SND1: variants seen among roughly 807,000 people sequenced by gnomAD.
SND1 encodes staphylococcal nuclease domain-containing protein 1.
Under a neutral mutation model 121.7 loss-of-function variants are expected in SND1, and 38 were observed. The ratio of observed to expected loss-of-function variants is 0.31; its 90% confidence interval spans 0.24 to 0.41. The LOEUF (loss-of-function observed/expected upper bound fraction) is 0.41. SND1 is among the 10% of genes least tolerant of loss of function. The pLI is 1.00. For missense variants in SND1, 868 were observed against 1,184.6 expected, an observed-to-expected ratio of 0.73 and a Z score of 3.92; for synonymous variants, 401 against 447.4, an observed-to-expected ratio of 0.90 and a Z score of 1.31.
intron 16 of SND1, among the ~76,000 whole-genome samples, chr7:128,018,212 C>T (rs1231540600): frequency 6.6e-6 from 1 of 152,200 alleles, no homozygotes; most frequent in Non-Finnish European, 1.5e-5. Flanking sequence ...AGGGGGAGTG[C>T]CACCCAGTCA....
intron 16 of SND1, among the ~76,000 whole-genome samples, chr7:128,049,999 C>T (rs369401431): frequency 1.3e-5 from 2 of 152,278 alleles, no homozygotes; most frequent in East Asian, 3.9e-4. Flanking sequence ...ACAGAAGTGA[C>T]CTCAGTGACA....
At chr7:128,017,207 C>T (rs902930560) in intron 16 of SND1, among the ~76,000 whole-genome samples, 2 of 152,160 alleles carry the variant, frequency 1.3e-5, no homozygotes, top group South Asian at 2.1e-4. Context: ...GCACACAGCA[C>T]GCCAGAGCCT....
intron 16 of SND1, among the ~76,000 whole-genome samples, chr7:128,063,798 T>C (rs374240322): frequency 3.3e-5 from 5 of 152,216 alleles, no homozygotes; most frequent in African/African-American, 1.2e-4. Flanking sequence ...GGTGAAGTCA[T>C]AGGACGGAAC....
chr7:127,910,795 C>CT (rs1446456735), intron 14 of SND1, among the ~76,000 whole-genome samples: 1 of 152,140 alleles, frequency 6.6e-6, no homozygotes, highest in Non-Finnish European at 1.5e-5. Context: ...CAACTGCAGT[C>CT]TAAGTTATTG....
chr7:127,703,915 G>T (rs1190711840), intron 7 of SND1, among the ~76,000 whole-genome samples: 1 of 152,164 alleles, frequency 6.6e-6, no homozygotes, highest in Admixed American at 6.5e-5. Context: ...TTCATTAGAA[G>T]TAGAACTGAA....
At chr7:127,664,138 G>A in intron 1 of SND1, among the ~76,000 whole-genome samples, 1 of 152,220 alleles carries the variant, frequency 6.6e-6, no homozygotes. Context: ...ACATCCTCTG[G>A]CTAATTTTTG....
At chr7:127,785,210 G>A (rs1318658655) in intron 10 of SND1, among the ~76,000 whole-genome samples, 1 of 152,102 alleles carries the variant, frequency 6.6e-6, no homozygotes, top group African/African-American at 2.4e-5. Flanking sequence ...TGCCCGGCCA[G>A]GAATGCATTT....
intron 16 of SND1, among the ~76,000 whole-genome samples, chr7:128,008,557 C>T (rs548891787): frequency 2.6e-5 from 4 of 151,644 alleles, no homozygotes; most frequent in East Asian, 1.9e-4. Context: ...CGATTGCCCT[C>T]GAACTCCCTA....
intron 16 of SND1, among the ~76,000 whole-genome samples, chr7:128,040,405 T>G (rs1792831840): frequency 8.1e-6 from 1 of 123,636 alleles, no homozygotes; most frequent in East Asian, 2.5e-4. Flanking sequence ...TCACTCCAAC[T>G]CTGGTCATCA....
intron 11 of SND1, among the ~76,000 whole-genome samples, chr7:127,831,205 G>A (rs3824001): frequency 0.3 from 45,891 of 152,064 alleles, 7,629 homozygotes; most frequent in African/African-American, 0.45. Context: ...GCACAAGGGG[G>A]ATGGGGCACA....
At chr7:128,032,234 G>A (rs574688951) in intron 16 of SND1, 3 of 148,324 alleles carry the variant, frequency 2.0e-5, no homozygotes, top group Admixed American at 6.7e-5. Context: ...CGCGCCGGCC[G>A]GCGCCGCGCA....
chr7:127,994,099 A>G (rs1802581326), intron 16 of SND1, among the ~76,000 whole-genome samples: 1 of 152,086 alleles, frequency 6.6e-6, no homozygotes, highest in Non-Finnish European at 1.5e-5. Flanking sequence ...TAGTCTTTCC[A>G]TCTCATATCT....
chr7:127,659,186 T>C (rs1301789880), intron 1 of SND1, among the ~76,000 whole-genome samples: 1 of 152,200 alleles, frequency 6.6e-6, no homozygotes, highest in Non-Finnish European at 1.5e-5. Context: ...GAGACTGACA[T>C]ATGCTTTTTG....
At chr7:127,709,653 A>AG (rs1418426164) in intron 9 of SND1, among the ~76,000 whole-genome samples, 2 of 152,174 alleles carry the variant, frequency 1.3e-5, no homozygotes, top group Non-Finnish European at 2.9e-5. Flanking sequence ...CTAGGATCCT[A>AG]GGATCTGTTT....
intron 11 of SND1, among the ~76,000 whole-genome samples, chr7:127,808,094 T>G (rs1406390430): frequency 6.6e-6 from 1 of 152,054 alleles, no homozygotes; most frequent in Non-Finnish European, 1.5e-5. Flanking sequence ...GTGGGAGTTT[T>G]TTTTTTCAGG....
At chr7:128,086,634 T>C (rs979448738) in intron 20 of SND1, 2 of 424,558 alleles carry the variant, frequency 4.7e-6, no homozygotes, top group African/African-American at 2.0e-5. Flanking sequence ...CAGAAGGGCA[T>C]TGGGAGGAAA....
chr7:127,915,832 G>T lies in SND1; in HGVS notation c.1527+11013G>T, dbSNP rs545101687. Among the ~76,000 whole-genome samples, 14 of 152,332 alleles carry T rather than the reference G, an allele frequency of 9.2e-5. No individual in the cohort carries two copies. In the South Asian group the frequency reaches 2.9e-3, roughly 32 times the overall value. ...GGTCCTGAGGTGGAAGATTGTTTGT[G>T]TTCACAATGGAAGACCAGTCAGCAT... On this transcript the variant is annotated intron_variant, in intron 14 of 23. Coordinates refer to ENST00000354725, the MANE Select transcript of SND1 (RefSeq NM_014390.4).
At chr7:127,695,152 T>G (rs1795985319) in intron 3 of SND1, among the ~76,000 whole-genome samples, 1 of 152,226 alleles carries the variant, frequency 6.6e-6, no homozygotes, top group Non-Finnish European at 1.5e-5. Context: ...GTTCCTTGTG[T>G]ACCCCTTTTC....
chr7:128,032,728 CGGCCGG>C (rs971188265), intron 16 of SND1, among the ~76,000 whole-genome samples: 10 of 152,122 alleles, frequency 6.6e-5, no homozygotes, highest in African/African-American at 2.2e-4. Flanking sequence ...CGGGGGACGG[CGGCCGG>C]GGCCACGAGG....
Sources: allele counts gnomAD v4.1 joint callset (sites outside exome capture counted in the v4.1 genomes callset), GRCh38; gene constraint gnomAD v4.1.1; transcripts MANE v1.5; gene names NCBI Gene and HGNC (gene_info 2026-07-23, HGNC 2026-07-21).